The following ITGA11 variants were observed in gnomAD, a reference collection of about 807,000 sequenced individuals.
The protein encoded by ITGA11 is integrin alpha-11.
A neutral mutation model predicts 141.9 loss-of-function variants in ITGA11; 97 were observed. The ratio of observed to expected loss-of-function variants is 0.68; its 90% CI spans 0.58 to 0.81. The LOEUF (loss-of-function observed/expected upper bound fraction) is 0.81. Among genes scored for constraint, ITGA11 ranks in the 30% least tolerant of loss-of-function variants. The pLI is 0.00. For synonymous variants in ITGA11, 658 were observed against 624.6 expected, an observed-to-expected ratio of 1.05 and a Z score of -0.80; for missense variants, 1,387 against 1,559.2, an observed-to-expected ratio of 0.89 and a Z score of 1.86.
At chr15:68,378,750 C>T (rs1385612034) in intron 2 of ITGA11, among the ~76,000 whole-genome samples, 4 of 152,200 alleles carry the variant, frequency 2.6e-5, no homozygotes, top group Non-Finnish European at 4.4e-5. Context: ...TCGGTAGATA[C>T]AAAGCCTACA....
chr15:68,360,712 G>A (rs1190026454), intron 5 of ITGA11, among the ~76,000 whole-genome samples: 1 of 152,110 alleles, frequency 6.6e-6, no homozygotes, highest in African/African-American at 2.4e-5. Flanking sequence ...CACGTACCCT[G>A]ACCTCAGGCC....
chr15:68,361,038 AG>A (rs1422933437), intron 5 of ITGA11, among the ~76,000 whole-genome samples: 1 of 152,082 alleles, frequency 6.6e-6, no homozygotes, highest in African/African-American at 2.4e-5. Context: ...GTAATTCCCC[AG>A]GTTTTCTTCG....
At chr15:68,329,413 G>A (rs1894083560) in intron 15 of ITGA11, among the ~76,000 whole-genome samples, 1 of 152,210 alleles carries the variant, frequency 6.6e-6, no homozygotes, top group Non-Finnish European at 1.5e-5. Flanking sequence ...AGCTCCCCTG[G>A]TGATCCTAAT....
chr15:68,350,630 G>C lies in ITGA11; in HGVS notation c.1047C>G (p.Ile349Met). The change falls in exon 9 of 30, where the codon ATC (isoleucine) becomes ATG (methionine). Residue 349 changes from isoleucine (I) to methionine (M), a missense_variant. Transcript: ENST00000315757. ...KDIVDALGDR[I>M]FSLEGTNKNE... Reference sequence around the variant, plus strand: ...TGCATTGCTTACCTTCCAGGCTGAAGATTCTGTCCCCCAGGGCATCGACAA... The same window carrying C: ...TGCATTGCTTACCTTCCAGGCTGAACATTCTGTCCCCCAGGGCATCGACAA... 6.2e-7 allele frequency: 1 copy of C among 1,613,428 alleles called. No homozygotes were observed. The highest frequency in any genetic ancestry group is 1.7e-4 in the Middle Eastern group (1 of 6,048).
intron 10 of ITGA11, among the ~76,000 whole-genome samples, chr15:68,341,469 G>C (rs543254034): frequency 2.0e-5 from 3 of 152,346 alleles, no homozygotes; most frequent in East Asian, 3.9e-4. Context: ...AGGTTCAGAG[G>C]GGGAAGGGAC....
chr15:68,339,629 CCAG>C lies in ITGA11; in HGVS notation c.1144_1146del (p.Leu382del). The C allele has an allele frequency of 6.2e-7, 1 of 1,614,012 alleles. No individual in the cohort carries two copies. Among genetic ancestry groups the C allele is most frequent in the Middle Eastern group, 1.6e-4 (1 of 6,062 alleles). Reference sequence around the variant, plus strand: ...TTCCAGTCATAGGCACCGACGGCTCCCAGCAGAACCCCATCCTGGCATTGGGGA... The same window carrying C: ...TTCCAGTCATAGGCACCGACGGCTCCCAGAACCCCATCCTGGCATTGGGGA... On this transcript the variant is annotated inframe_deletion, in exon 11 of 30. Coordinates refer to ENST00000315757, the MANE Select transcript of ITGA11 (RefSeq NM_001004439.2).
intron 21 of ITGA11, 102 bp downstream of exon 21, chr15:68,317,163 G>A (rs1893608175): frequency 1.2e-6 from 1 of 818,986 alleles, no homozygotes; most frequent in Non-Finnish European, 2.1e-6. Context: ...ATCCCTCCCT[G>A]GTCTTCTGTG....
At chr15:68,375,565 C>A (rs115780318) in intron 2 of ITGA11, among the ~76,000 whole-genome samples, 2,785 of 152,268 alleles carry the variant, frequency 0.018, 75 homozygotes, top group African/African-American at 0.064. Flanking sequence ...GAAGTTGGCA[C>A]CTGCAGGTCT....
chr15:68,404,031 A>T (rs1896576998), intron 1 of ITGA11, among the ~76,000 whole-genome samples: 1 of 152,132 alleles, frequency 6.6e-6, no homozygotes, highest in Non-Finnish European at 1.5e-5. Flanking sequence ...AGGGAGAGAC[A>T]GTTGCCCTCC....
chr15:68,412,483 A>G (rs953045083), intron 1 of ITGA11, among the ~76,000 whole-genome samples: 3 of 151,728 alleles, frequency 2.0e-5, no homozygotes, highest in Non-Finnish European at 2.9e-5. Flanking sequence ...GGCACCCAAC[A>G]TGGATTCTGG....
At chr15:68,359,019 G>A (rs1169399171) in intron 5 of ITGA11, among the ~76,000 whole-genome samples, 1 of 152,204 alleles carries the variant, frequency 6.6e-6, no homozygotes, top group Non-Finnish European at 1.5e-5. Flanking sequence ...AATGTGGGAT[G>A]TGGCATCACA....
rs770522528 is a variant in ITGA11 at position 68,335,803 on chromosome 15, A to G, written c.1319T>C (p.Val440Ala). 8 of 1,611,348 alleles carry G rather than the reference A, an allele frequency of 5.0e-6. No homozygotes were observed. The highest frequency in any genetic ancestry group is 6.8e-6 in the Non-Finnish European group (8 of 1,178,906). Residue 440 changes from valine (V) to alanine (A), a missense_variant, in exon 12 of 30, where the codon GTG (valine) becomes GCG (alanine). Val to Ala is a moderately conservative substitution (Grantham distance 64). Coordinates refer to ENST00000315757, the MANE Select transcript of ITGA11 (RefSeq NM_001004439.2). This position sits in a 1 kb window ranked among gnomAD's most constrained non-coding sequence, Gnocchi z 4.9. The part of the protein sequence containing the change: ...TSVVSSRQGR[V>A]YVAGAPRFNH... Reference sequence around the variant, plus strand: ...GAACCGGGGGGCTCCGGCCACGTACACCCGCCCCTGCCTGGAGGACACGAC... The same window carrying G: ...GAACCGGGGGGCTCCGGCCACGTACGCCCGCCCCTGCCTGGAGGACACGAC...
rs941122165 is a variant in ITGA11 at position 68,299,640 on chromosome 15, C to T, written c.*3419G>A. 6.6e-6 allele frequency: 1 copy of T among 152,118 alleles called. No individual in the cohort carries two copies. Among genetic ancestry groups the T allele is most frequent in the Non-Finnish European group, 1.5e-5 (1 of 68,036 alleles). 9.4% of individuals were successfully genotyped at this position (152,118 alleles called of 1,614,324 possible). A position where few individuals can be genotyped will look rare whatever the true frequency, so the allele number is the denominator to read the frequency against. ...GAGTTGTTATGCCAGGAAAGGAGCA[C>T]GATTAAGCCAGCGGTCTCCATTAGA... is the stretch of plus-strand genomic sequence containing the variant. On this transcript the variant is annotated 3_prime_UTR_variant, in exon 30 of 30. Transcript: ENST00000315757.
At position 68,361,611 on chromosome 15, in the gene ITGA11, T is replaced by A. The variant is rs1240966637; in HGVS notation, c.451A>T (p.Thr151Ser). 13 of 1,607,642 alleles carry A rather than the reference T, an allele frequency of 8.1e-6. No individual in the cohort carries two copies. The highest frequency in any genetic ancestry group is 1.0e-5 in the Non-Finnish European group (12 of 1,177,060). Reference protein sequence around the residue: ...RVNSNFRFSKTVAPALQRCQT... With the variant: ...RVNSNFRFSKSVAPALQRCQT... Reference sequence around the variant, plus strand: ...TTACTTTGGAGAGCTGGGGCCACGGTCTTGGAGAACCTGAAGTTGGAGTTG... The same window carrying A: ...TTACTTTGGAGAGCTGGGGCCACGGACTTGGAGAACCTGAAGTTGGAGTTG... The change falls in exon 5 of 30, where the codon ACC becomes TCC. Residue 151 changes from threonine (T) to serine (S), a missense_variant. By Grantham distance (58) the Thr-to-Ser change is moderately conservative. Transcript: ENST00000315757.
intron 22 of ITGA11, among the ~76,000 whole-genome samples, chr15:68,314,873 C>A (rs777483905): frequency 1.3e-4 from 20 of 152,146 alleles, no homozygotes; most frequent in Non-Finnish European, 2.8e-4. Flanking sequence ...TGTTAGTGTT[C>A]GGTTTGCCTG....
intron 20 of ITGA11, among the ~76,000 whole-genome samples, chr15:68,318,542 AG>A (rs1893675367): frequency 6.6e-6 from 1 of 152,034 alleles, no homozygotes; most frequent in African/African-American, 2.4e-5. Flanking sequence ...ATTGGGGCCC[AG>A]GCCTGGGCCT....
At chr15:68,358,687 A>G (rs1229560545) in intron 5 of ITGA11, 102 bp from the exon 6 acceptor site, 1 of 1,259,140 alleles carries the variant, frequency 7.9e-7, no homozygotes, top group Non-Finnish European at 1.1e-6. Flanking sequence ...ACTCTGCTCC[A>G]TATGTGTAAT....
At chr15:68,343,454 C>T (rs1025189802) in intron 10 of ITGA11, among the ~76,000 whole-genome samples, 3 of 152,236 alleles carry the variant, frequency 2.0e-5, no homozygotes, top group Non-Finnish European at 2.9e-5. Flanking sequence ...AAGACAAGCT[C>T]AGACAGGTCA....
chr15:68,345,625 CG>C (rs1313232462), intron 10 of ITGA11, among the ~76,000 whole-genome samples: 6 of 152,236 alleles, frequency 3.9e-5, no homozygotes, highest in East Asian at 1.9e-4. Flanking sequence ...TAAACAGGCC[CG>C]GGGAAGCCCC....
Sources: gnomAD v4.1 joint callset for allele counts (sites outside exome capture counted in the v4.1 genomes callset) on GRCh38, gnomAD v4.1.1 for gene constraint, Gnocchi (gnomAD v3.1) non-coding constraint, MANE v1.5 for transcripts, NCBI Gene and HGNC (gene_info 2026-07-23, HGNC 2026-07-21) for gene names.